DOCK4: variants seen among roughly 807,000 people sequenced by gnomAD.
The protein encoded by DOCK4 is dedicator of cytokinesis protein 4.
DOCK4 carries 97 observed loss-of-function variants against 268.1 expected under a neutral mutation model. That is an observed-to-expected ratio of 0.36 (90% CI 0.31 to 0.43). DOCK4 has a LOEUF of 0.43. Among genes scored for constraint, DOCK4 ranks in the 20% least tolerant of loss-of-function variants. DOCK4 has a pLI of 1.00. For missense variants in DOCK4, 2,145 were observed against 2,455.7 expected (o/e 0.87, Z 2.67); for synonymous variants, 954 against 887.2 (o/e 1.08, Z -1.34).
At chr7:112,044,481 T>A (rs558189194) in intron 1 of DOCK4, among the ~76,000 whole-genome samples, 6 of 152,340 alleles carry the variant, frequency 3.9e-5, no homozygotes, top group African/African-American at 1.4e-4. Context: ...GTTTTTCTAC[T>A]TAAATTATGT....
intron 12 of DOCK4, among the ~76,000 whole-genome samples, chr7:111,928,859 G>A: frequency 6.6e-6 from 1 of 152,268 alleles, no homozygotes; most frequent in East Asian, 1.9e-4. Flanking sequence ...AAAGTACTGG[G>A]ATTACAGGTG....
At chr7:111,977,064 C>T in intron 8 of DOCK4, 68 bp downstream of exon 8, 1 of 1,555,756 alleles carries the variant, frequency 6.4e-7, no homozygotes, top group South Asian at 1.2e-5. Context: ...TATCTTACAG[C>T]TTGCCAATCA....
intron 1 of DOCK4, among the ~76,000 whole-genome samples, chr7:112,033,879 GAA>G (rs1803501976): frequency 6.6e-6 from 1 of 152,166 alleles, no homozygotes; most frequent in Admixed American, 6.5e-5. Context: ...GTTTCCGTGT[GAA>G]ATATAGTGCT....
rs77161894 is a variant in DOCK4 at position 111,840,254 on chromosome 7, A to G, written c.2736+4509T>C. On this transcript the variant is annotated intron_variant, in intron 25 of 52. Transcript: ENST00000428084. ...TTTCTTACAGAATTAACCCAGGCCC[A>G]TTTCCATACCCCACCACAAACCGAC... Among the ~76,000 whole-genome samples the G allele has an allele frequency of 4.4e-3, 677 of 152,324 alleles. 6 individuals are homozygous for G. The highest frequency in any genetic ancestry group is 0.016 in the African/African-American group (660 of 41,564).
At position 111,877,090 on chromosome 7, in the gene DOCK4, C is replaced by A. The variant is rs766680867; in HGVS notation, c.1684G>T (p.Ala562Ser). Residue 562 changes from alanine (A) to serine (S), a missense_variant, in exon 17 of 53, where the codon GCC (alanine) becomes TCC (serine). By Grantham distance (99) the Ala-to-Ser change is moderately conservative (BLOSUM62 1). Transcript: ENST00000428084. ...FLGNNNQAMK[A>S]TKESFCITSF... is the part of the protein sequence containing the mutation. ...GTAATACAAAAGGACTCCTTTGTGG[C>A]CTTCATGGCTTGATTATTATTCCCA... The A allele has an allele frequency of 1.9e-6, 3 of 1,589,810 alleles. No individual in the cohort carries two copies. The highest frequency in any genetic ancestry group is 1.8e-5 in the Admixed American group (1 of 56,110).
chr7:111,860,733 C>T (rs187834503), intron 23 of DOCK4, among the ~76,000 whole-genome samples: 86 of 152,290 alleles, frequency 5.6e-4, no homozygotes, highest in African/African-American at 1.9e-3. Flanking sequence ...CCTTCCATCC[C>T]TTACCATAGT....
intron 10 of DOCK4, 78 bp downstream of exon 10, chr7:111,944,733 T>A: frequency 3.0e-6 from 4 of 1,341,398 alleles, no homozygotes; most frequent in Admixed American, 1.8e-5. Context: ...CAGCAATAAA[T>A]CACAACAACA....
intron 1 of DOCK4, among the ~76,000 whole-genome samples, chr7:112,063,254 C>T (rs918239243): frequency 2.6e-5 from 4 of 152,198 alleles, no homozygotes; most frequent in Non-Finnish European, 5.9e-5. Context: ...AATGCCATGT[C>T]GGTACTTGCT....
chr7:112,191,940 A>G (rs1206201734), intron 1 of DOCK4, among the ~76,000 whole-genome samples: 1 of 148,404 alleles, frequency 6.7e-6, no homozygotes, highest in Non-Finnish European at 1.5e-5. Flanking sequence ...AACATTACAT[A>G]CTATATATAC....
chr7:111,840,517 A>C (rs1803596046), intron 25 of DOCK4, among the ~76,000 whole-genome samples: 1 of 152,160 alleles, frequency 6.6e-6, no homozygotes. Flanking sequence ...ACTGATCACA[A>C]TGGTGCTTTT....
chr7:111,732,589 G>A (rs1795177673), intron 51 of DOCK4: 1 of 411,050 alleles, frequency 2.4e-6, no homozygotes, highest in South Asian at 2.6e-5. Context: ...CAAAGTCCAG[G>A]TGCTTCTGCA....
At chr7:111,944,908 T>A in intron 9 of DOCK4, 37 bp from the exon 10 acceptor site, 2 of 1,589,248 alleles carry the variant, frequency 1.3e-6, no homozygotes, top group Non-Finnish European at 1.7e-6. Flanking sequence ...TTGGAAGACA[T>A]GAGCGGCACT....
At position 111,975,790 on chromosome 7, in the gene DOCK4, A is replaced by G. The variant is rs371526268; in HGVS notation, c.701+1342T>C. The stretch of plus-strand genomic sequence containing the variant: ...AAGATTTTATGCCTGTAACTGCATT[A>G]AAAATAAACTTCACACATATTCCCT... On this transcript the variant is annotated intron_variant, in intron 8 of 52. Coordinates refer to ENST00000428084, the MANE Select transcript of DOCK4 (RefSeq NM_001363540.2). 1.4e-3 allele frequency among the ~76,000 whole-genome samples: 220 copies of G among 152,250 alleles called. 1 individual carries two copies. The highest frequency in any genetic ancestry group is 5.1e-3 in the African/African-American group (211 of 41,546).
chr7:111,806,406 AC>A (rs1175626779), intron 30 of DOCK4, among the ~76,000 whole-genome samples: 1 of 152,208 alleles, frequency 6.6e-6, no homozygotes, highest in Non-Finnish European at 1.5e-5. Context: ...CACAACAGCA[AC>A]AAACTTTAAA....
Position 111,755,613 on chromosome 7 carries a change from A to C in DOCK4, c.4330-12T>G. ...TCCACCCAGAGACTCTACAAAACAC[A>C]AAACACATTAAGTCTCCCAAGTTGC... On this transcript the variant is annotated splice_polypyrimidine_tract_variant and intron_variant, in intron 41 of 52. Coordinates refer to ENST00000428084, the MANE Select transcript of DOCK4 (RefSeq NM_001363540.2). 6.2e-7 allele frequency: 1 copy of C among 1,613,246 alleles called. No homozygotes were observed. The highest frequency in any genetic ancestry group is 1.1e-5 in the South Asian group (1 of 91,032).
intron 8 of DOCK4, among the ~76,000 whole-genome samples, chr7:111,970,328 GA>G (rs557400137): frequency 6.7e-5 from 10 of 149,786 alleles, no homozygotes; most frequent in African/African-American, 1.7e-4. Context: ...TAAAAAAAAA[GA>G]AAAAAAAACT....
At chr7:112,023,058 G>A (rs1802467559) in intron 1 of DOCK4, among the ~76,000 whole-genome samples, 1 of 152,126 alleles carries the variant, frequency 6.6e-6, no homozygotes, top group Non-Finnish European at 1.5e-5. Context: ...CTCCCGAGTA[G>A]CTGGGATTAC....
chr7:111,836,357 CCTA>C (rs1803243085), intron 25 of DOCK4, among the ~76,000 whole-genome samples: 1 of 151,886 alleles, frequency 6.6e-6, no homozygotes, highest in Admixed American at 6.6e-5. Context: ...AAAAGCAAGA[CCTA>C]AAATGATCAA....
intron 1 of DOCK4, among the ~76,000 whole-genome samples, chr7:112,149,644 T>C (rs1386664024): frequency 6.6e-6 from 1 of 152,162 alleles, no homozygotes; most frequent in Admixed American, 6.6e-5. Flanking sequence ...GCAATTCACA[T>C]AAGCTATAAA....
Sources: gnomAD v4.1 joint callset for allele counts (sites outside exome capture counted in the v4.1 genomes callset) on GRCh38, gnomAD v4.1.1 for gene constraint, MANE v1.5 for transcripts, NCBI Gene and HGNC (gene_info 2026-07-23, HGNC 2026-07-21) for gene names.